LARS2: variants seen among roughly 807,000 people sequenced by gnomAD.
LARS2 encodes the protein leucine--tRNA ligase, mitochondrial.
A neutral mutation model predicts 116.6 loss-of-function variants in LARS2; 81 were observed. That is an observed-to-expected ratio of 0.69 (90% CI 0.58 to 0.84). LARS2 has a LOEUF of 0.84. LARS2 is among the 40% of genes least tolerant of loss of function. LARS2 has a pLI of 0.00. For synonymous variants in LARS2, 396 were observed against 407.2 expected (o/e 0.97, Z 0.33); for missense variants, 968 against 1,114.5 (o/e 0.87, Z 1.87).
chr3:45,470,886 A>G (rs1699510637), intron 8 of LARS2, among the ~76,000 whole-genome samples: 1 of 152,116 alleles, frequency 6.6e-6, no homozygotes, highest in East Asian at 1.9e-4. Context: ...AAAAGAATCT[A>G]AAAACCTGAT....
At position 45,476,567 on chromosome 3, in the gene LARS2, C is replaced by A. The variant is rs2125720035; in HGVS notation, c.958C>A (p.Leu320Ile). The A allele has an allele frequency of 6.2e-7, 1 of 1,614,220 alleles. No individual in the cohort carries two copies. Among genetic ancestry groups the A allele is most frequent in the African/African-American group, 1.3e-5 (1 of 75,060 alleles). ...SHVAISPSHR[L>I]LHGHSSLKEA... ...CGTGGCCATCTCGCCCAGCCACAGA[C>A]TCCTACATGGGCACAGCTCTCTGAA... The change falls in exon 10 of 22, where the codon CTC becomes ATC. Residue 320 changes from leucine (L) to isoleucine (I), a missense_variant. Leu to Ile is a conservative substitution (Grantham distance 5, BLOSUM62 2). Transcript: ENST00000645846.
intron 19 of LARS2, among the ~76,000 whole-genome samples, chr3:45,521,518 A>G (rs996971249): frequency 1.3e-5 from 2 of 152,192 alleles, no homozygotes; most frequent in South Asian, 2.1e-4. Context: ...AAATTTGACT[A>G]CATAAAACTT....
intron 8 of LARS2, among the ~76,000 whole-genome samples, chr3:45,465,176 G>T (rs1699399246): frequency 6.6e-6 from 1 of 152,134 alleles, no homozygotes; most frequent in South Asian, 2.1e-4. Flanking sequence ...CCAGGGATCT[G>T]GTTTTGACTC....
chr3:45,399,974 AAAT>A (rs1482316283), intron 3 of LARS2, among the ~76,000 whole-genome samples: 1 of 152,072 alleles, frequency 6.6e-6, no homozygotes. Context: ...TCCTTTCAAA[AAAT>A]AAGTTTTTAA....
chr3:45,446,538 T>G (rs1699021671), intron 6 of LARS2, among the ~76,000 whole-genome samples: 1 of 152,260 alleles, frequency 6.6e-6, no homozygotes, highest in Non-Finnish European at 1.5e-5. Context: ...CATTTGTGAA[T>G]AAGCATCAGG....
intron 20 of LARS2, among the ~76,000 whole-genome samples, chr3:45,529,459 G>C (rs1277288870): frequency 6.6e-6 from 1 of 150,932 alleles, no homozygotes; most frequent in Non-Finnish European, 1.5e-5. Context: ...TGAGGCAGGA[G>C]AATCGCTTGA....
chr3:45,427,110 ATC>A (rs1048627521), intron 6 of LARS2, among the ~76,000 whole-genome samples: 1 of 152,082 alleles, frequency 6.6e-6, no homozygotes, highest in East Asian at 1.9e-4. Context: ...AGGGTACAAA[ATC>A]TCTCTCTTCC....
At chr3:45,430,745 G>A (rs111433095) in intron 6 of LARS2, among the ~76,000 whole-genome samples, 7,155 of 143,178 alleles carry the variant, frequency 0.05, 211 homozygotes, top group East Asian at 0.11. Context: ...CCACCACGCC[G>A]GACTAATTTT....
intron 20 of LARS2, among the ~76,000 whole-genome samples, chr3:45,527,554 G>A (rs552362062): frequency 4.0e-4 from 60 of 151,660 alleles, no homozygotes; most frequent in African/African-American, 1.4e-3. Context: ...AACCCAGGAG[G>A]TGGAGCTTGC....
chr3:45,449,684 G>T (rs1272825046), intron 7 of LARS2, among the ~76,000 whole-genome samples: 1 of 152,108 alleles, frequency 6.6e-6, no homozygotes, highest in Non-Finnish European at 1.5e-5. Context: ...TTTCAAATTG[G>T]CCTTAAAACA....
intron 9 of LARS2, 72 bp downstream of exon 9, chr3:45,474,422 A>C: frequency 1.0e-6 from 1 of 975,084 alleles, no homozygotes; most frequent in Non-Finnish European, 1.6e-6. Context: ...CACTGAGTAA[A>C]CCAGCAACTT....
chr3:45,415,882 GAGAGAGAGA>G (rs1698409917), intron 4 of LARS2, among the ~76,000 whole-genome samples: 2 of 102,094 alleles, frequency 2.0e-5, no homozygotes, highest in Admixed American at 8.8e-5. Flanking sequence ...TATATAGAGA[GAGAGAGAGA>G]GGGAGAGAGA....
At chr3:45,395,832 T>C (rs549483147) in intron 3 of LARS2, among the ~76,000 whole-genome samples, 1 of 152,162 alleles carries the variant, frequency 6.6e-6, no homozygotes, top group Non-Finnish European at 1.5e-5. Flanking sequence ...TTGAAAAAGA[T>C]GTAGTGTGTA....
chr3:45,531,257 A>G (rs1487702205), intron 20 of LARS2, among the ~76,000 whole-genome samples: 2 of 152,372 alleles, frequency 1.3e-5, no homozygotes, highest in East Asian at 1.9e-4. Context: ...ACTATAAGAA[A>G]GAATTAATCT....
chr3:45,537,546 G>T (rs994309782), intron 20 of LARS2, among the ~76,000 whole-genome samples: 1 of 152,216 alleles, frequency 6.6e-6, no homozygotes, highest in Admixed American at 6.5e-5. Flanking sequence ...TGTGTGCTGT[G>T]TAGATGTTGC....
At chr3:45,458,569 A>G (rs1699253831) in intron 7 of LARS2, among the ~76,000 whole-genome samples, 174 bp from the exon 8 acceptor site, 1 of 152,148 alleles carries the variant, frequency 6.6e-6, no homozygotes, top group African/African-American at 2.4e-5. Flanking sequence ...GGGCACCTGT[A>G]ATCCCAGCTA....
rs1406366221 is a variant in LARS2 at position 45,474,338 on chromosome 3, C to T, written c.846C>T (p.Asp282=). ...GGGACTGTGTGGGCTGCCACCTGGACTTCACATTAAAGGTGATTAAGTAAT... is the reference window on the plus strand; with the variant it reads ...GGGACTGTGTGGGCTGCCACCTGGATTTCACATTAAAGGTGATTAAGTAAT... The part of the protein sequence containing the change: ...WIGDCVGCHL[D]FTLKVHGQAT... The change falls in exon 9 of 22, where the codon GAC becomes GAT. Residue 282 remains aspartate, a synonymous_variant. Transcript: ENST00000645846. The T allele has an allele frequency of 2.5e-6, 4 of 1,601,824 alleles. No homozygotes were observed. The highest frequency in any genetic ancestry group is 1.3e-5 in the African/African-American group (1 of 74,742).
chr3:45,537,940 C>T (rs183896228), intron 20 of LARS2, among the ~76,000 whole-genome samples: 21 of 152,324 alleles, frequency 1.4e-4, no homozygotes, highest in African/African-American at 4.6e-4. Context: ...GGGCCATAGC[C>T]GACCTTGTCA....
rs531966221 is a variant in LARS2, at chr3:45,393,932, A to G, written c.-21-501A>G. Among the ~76,000 whole-genome samples, 22 of 152,398 alleles carry G rather than the reference A, an allele frequency of 1.4e-4. No individual in the cohort carries two copies. The Middle Eastern group carries it at 0.014, about 94-fold the overall frequency. The stretch of plus-strand genomic sequence containing the variant: ...TTTTCTGGTTCAGCCTACAGGGTAT[A>G]TTTAACTCATAATATGTATAAAAAT... On this transcript the variant is annotated intron_variant, in intron 2 of 21. Transcript: ENST00000645846.
Sources: gnomAD v4.1 joint callset for allele counts (sites outside exome capture counted in the v4.1 genomes callset) on GRCh38, gnomAD v4.1.1 for gene constraint, MANE v1.5 for transcripts, NCBI Gene and HGNC (gene_info 2026-07-23, HGNC 2026-07-21) for gene names.